The following BTBD2 variants were observed in gnomAD, a reference collection of about 807,000 sequenced individuals.
The protein encoded by BTBD2 is BTB domain containing 2, also known as BTB/POZ domain-containing protein 2.
Under a neutral mutation model 44.0 loss-of-function variants are expected in BTBD2, and 15 were observed. The observed-to-expected ratio is 0.34, with a 90% CI of 0.23 to 0.53. The LOEUF is 0.53. Among genes scored for constraint, BTBD2 ranks in the 20% least tolerant of loss-of-function variants. The probability of loss-of-function intolerance (pLI) is 0.95; values close to 1 mark genes in which losing one functional copy is unlikely to be tolerated. For missense variants in BTBD2, 657 were observed against 746.4 expected (o/e 0.88, Z 1.39); for synonymous variants, 443 against 335.9 (o/e 1.32, Z -3.49).
intron 1 of BTBD2, among the ~76,000 whole-genome samples, chr19:2,004,697 G>C (rs2016372506): frequency 6.6e-6 from 1 of 151,658 alleles, no homozygotes; most frequent in African/African-American, 2.4e-5. Context: ...AATAAAATCA[G>C]GCCAGGAGCA....
At chr19:1,987,777 G>A in intron 5 of BTBD2, 85 bp from the exon 6 acceptor site, 2 of 1,356,762 alleles carry the variant, frequency 1.5e-6, no homozygotes, top group East Asian at 5.0e-5. Flanking sequence ...TTCCCCCTAA[G>A]ATGTCTGCGT....
rs1325483281 is a variant in BTBD2, at chr19:1,985,641, G to C, written c.*847C>G. 2 of 152,300 alleles carry C rather than the reference G, an allele frequency of 1.3e-5. No homozygotes were observed. Among genetic ancestry groups the C allele is most frequent in the Non-Finnish European group, 2.9e-5 (2 of 68,086 alleles). The allele number at this position is 152,300 out of a possible 1,614,324, so 9.4% of individuals were successfully genotyped here. A position where few individuals can be genotyped will look rare whatever the true frequency, so the allele number is the denominator to read the frequency against. On this transcript the variant is annotated 3_prime_UTR_variant, in exon 9 of 9. Coordinates refer to ENST00000255608, the MANE Select transcript of BTBD2 (RefSeq NM_017797.4). ...CTGGGGGTGGCTCCCACGGCACCAG[G>C]TGGGCTAGGGCAACAGTATGTACAG...
At chr19:1,992,561 G>C (rs148143565) in intron 3 of BTBD2, among the ~76,000 whole-genome samples, 1 of 151,798 alleles carries the variant, frequency 6.6e-6, no homozygotes, top group African/African-American at 2.4e-5. Context: ...GAAGTATCAC[G>C]GAAAAGTCCA....
intron 5 of BTBD2, 192 bp from the exon 6 acceptor site, chr19:1,987,884 G>C: frequency 3.3e-6 from 2 of 604,794 alleles, no homozygotes; most frequent in Non-Finnish European, 5.8e-6. Context: ...AGAGGTCCCA[G>C]GGCACAGACC....
chr19:1,986,895 C>T lies in BTBD2; in HGVS notation c.1351G>A (p.Val451Ile), dbSNP rs149233510. The T allele has an allele frequency of 2.0e-5, 32 of 1,613,172 alleles. No homozygotes were observed. The highest frequency in any genetic ancestry group is 4.5e-5 in the East Asian group (2 of 44,866). ...ACCTCCACCGGCTCCTTGAACATGA[C>T]GCGGAAGGTGCTGGCTGAGCCGTCG... ...SCDGSASTFR[V>I]MFKEPVEVLP... Residue 451 changes from valine (V) to isoleucine (I), a missense_variant, in exon 8 of 9, where the codon GTC becomes ATC. Around this residue, in one of 3 missense-constraint regions of BTBD2, gnomAD observed 449 missense variants for 510.9 expected, o/e 0.88. Coordinates refer to ENST00000255608, the MANE Select transcript of BTBD2 (RefSeq NM_017797.4).
intron 1 of BTBD2, among the ~76,000 whole-genome samples, chr19:2,014,980 G>A (rs1193957789): frequency 6.6e-6 from 1 of 151,192 alleles, no homozygotes; most frequent in Admixed American, 6.6e-5. Flanking sequence ...AGAGCCCAGG[G>A]AACTGGGTGG....
At chr19:2,005,599 G>T (rs2016384995) in intron 1 of BTBD2, among the ~76,000 whole-genome samples, 1 of 151,634 alleles carries the variant, frequency 6.6e-6, no homozygotes, top group African/African-American at 2.4e-5. Context: ...CTGACCAATA[G>T]GATGAAACGC....
At chr19:2,015,022 G>C (rs2016514774) in intron 1 of BTBD2, among the ~76,000 whole-genome samples, 1 of 150,266 alleles carries the variant, frequency 6.7e-6, no homozygotes. Flanking sequence ...AGGCCCCGGG[G>C]TGCAGGCCGG....
chr19:2,009,234 T>C (rs1443888026), intron 1 of BTBD2, among the ~76,000 whole-genome samples: 2 of 151,398 alleles, frequency 1.3e-5, no homozygotes, highest in Non-Finnish European at 2.9e-5. Context: ...AGTCTCAGTC[T>C]GTCACCCAGG....
At chr19:1,992,925 GGCC>G in intron 3 of BTBD2, 92 bp downstream of exon 3, 1 of 161,888 alleles carries the variant, frequency 6.2e-6, no homozygotes, top group Non-Finnish European at 1.1e-5. Context: ...GCCCGCCCCC[GGCC>G]CCGCCTCCGC....
chr19:1,999,656 ACT>A (rs1435350641), intron 1 of BTBD2, among the ~76,000 whole-genome samples: 2 of 148,576 alleles, frequency 1.3e-5, no homozygotes, highest in Non-Finnish European at 3.0e-5. Flanking sequence ...ACAGAGCAAG[ACT>A]CTGTCTCAAA....
At position 1,990,176 on chromosome 19, in the gene BTBD2, G is replaced by A. The variant is rs568806043; in HGVS notation, c.816C>T (p.Arg272=). Residue 272 remains arginine (R), a synonymous_variant, in exon 5 of 9, where the codon CGC becomes CGT. Coordinates refer to ENST00000255608, the MANE Select transcript of BTBD2 (RefSeq NM_017797.4). ...GCACCTCACGGATGCCCAGTGTGTC[G>A]CGCTCCAGGACAGCCACCAGCGTGT... ...DLDTLVAVLE[R]DTLGIREVRL... The A allele has an allele frequency of 5.9e-5, 95 of 1,605,966 alleles. No individual in the cohort carries two copies. Among genetic ancestry groups the A allele is most frequent in the Middle Eastern group, 4.9e-4 (3 of 6,076 alleles).
At chr19:1,992,880 AT>A in intron 3 of BTBD2, 139 bp downstream of exon 3, 10 of 882,018 alleles carry the variant, frequency 1.1e-5, no homozygotes, top group Non-Finnish European at 1.4e-5. Flanking sequence ...CCCAAAACAC[AT>A]TTTACTACCA....
intron 1 of BTBD2, among the ~76,000 whole-genome samples, chr19:2,005,258 T>C (rs996513577): frequency 2.0e-5 from 3 of 152,166 alleles, no homozygotes; most frequent in Non-Finnish European, 4.4e-5. Context: ...CGAGGCTGTG[T>C]GAGGACACAG....
intron 6 of BTBD2, 84 bp from the exon 7 acceptor site, chr19:1,987,337 T>TC (rs2016102518): frequency 7.2e-7 from 1 of 1,380,462 alleles, no homozygotes; most frequent in South Asian, 1.2e-5. Flanking sequence ...CCATGCCCGG[T>TC]CCCCTCCATC....
At chr19:2,007,498 A>G (rs1268189172) in intron 1 of BTBD2, among the ~76,000 whole-genome samples, 2 of 152,152 alleles carry the variant, frequency 1.3e-5, no homozygotes, top group African/African-American at 4.8e-5. Flanking sequence ...TCAAGGTCTC[A>G]CTATGTTGCC....
At chr19:2,015,105 G>A (rs1437352520) in intron 1 of BTBD2, among the ~76,000 whole-genome samples, 192 bp downstream of exon 1, 1 of 150,014 alleles carries the variant, frequency 6.7e-6, no homozygotes, top group East Asian at 2.0e-4. Flanking sequence ...GCAGGCCCCG[G>A]GGTGCAGGCC....
chr19:2,008,662 G>A (rs1302544224), intron 1 of BTBD2, among the ~76,000 whole-genome samples: 1 of 149,530 alleles, frequency 6.7e-6, no homozygotes, highest in Non-Finnish European at 1.5e-5. Flanking sequence ...TAGGATCATG[G>A]CTCACTGCAG....
At chr19:1,989,496 G>A (rs1256235870) in intron 5 of BTBD2, 1 of 182,020 alleles carries the variant, frequency 5.5e-6, no homozygotes, top group Non-Finnish European at 1.2e-5. Context: ...CTTCTGGAAA[G>A]TTCCAGGCCT....
Sources: gnomAD v4.1 joint callset for allele counts (sites outside exome capture counted in the v4.1 genomes callset) on GRCh38, gnomAD v4.1.1 for gene constraint, gnomAD v4.1.1 regional missense constraint, MANE v1.5 for transcripts, NCBI Gene and HGNC (gene_info 2026-07-23, HGNC 2026-07-21) for gene names.